Variants in PPARG observed in about 807,000 individuals in gnomAD.
PPARG encodes peroxisome proliferator activated receptor gamma.
In PPARG, 17 loss-of-function variants were observed where a neutral mutation model predicts 39.2. The observed-to-expected ratio is 0.43, with a 90% CI of 0.30 to 0.65. The LOEUF is 0.65. PPARG is among the 30% of genes least tolerant of loss of function. The pLI is 0.13. For missense variants in PPARG, 406 were observed against 585.9 expected, an observed-to-expected ratio of 0.69 and a Z score of 3.17; for synonymous variants, 223 against 215.7, an observed-to-expected ratio of 1.03 and a Z score of -0.30.
At chr3:12,380,815 A>G (rs1420617809) in intron 3 of PPARG, among the ~76,000 whole-genome samples, 1 of 152,180 alleles carries the variant, frequency 6.6e-6, no homozygotes, top group Non-Finnish European at 1.5e-5. Flanking sequence ...TTGACTGAAC[A>G]CTAATGGTAA....
At chr3:12,288,448 C>G (rs1007760141), upstream of PPARG, among the ~76,000 whole-genome samples, 1 of 151,866 alleles carries the variant, frequency 6.6e-6, no homozygotes, top group Non-Finnish European at 1.5e-5. Context: ...CGGGTGGGCG[C>G]GGAGCCGGGG....
At chr3:12,363,806 G>C (rs1176269923) in intron 2 of PPARG, among the ~76,000 whole-genome samples, 1 of 152,022 alleles carries the variant, frequency 6.6e-6, no homozygotes, top group Admixed American at 6.6e-5. Context: ...AAACCAAAAC[G>C]TGGAAGGGGA....
chr3:12,306,157 G>C (rs999905646), intron 1 of PPARG, among the ~76,000 whole-genome samples: 1 of 152,186 alleles, frequency 6.6e-6, no homozygotes, highest in Non-Finnish European at 1.5e-5. Context: ...GGATGAAACT[G>C]TTCCACCTTA....
chr3:12,339,424 G>A (rs774675600), intron 2 of PPARG, among the ~76,000 whole-genome samples: 3 of 152,128 alleles, frequency 2.0e-5, no homozygotes, highest in East Asian at 1.9e-4. Flanking sequence ...ACTAAAATTC[G>A]TTGAATTGCA....
intron 7 of PPARG, among the ~76,000 whole-genome samples, chr3:12,423,817 T>C (rs2051344901): frequency 6.6e-6 from 1 of 152,248 alleles, no homozygotes; most frequent in Non-Finnish European, 1.5e-5. Flanking sequence ...TTCTCTCTTT[T>C]CTTGTAATAT....
intron 6 of PPARG, among the ~76,000 whole-genome samples, chr3:12,415,800 C>T (rs972730231): frequency 6.6e-6 from 1 of 152,088 alleles, no homozygotes; most frequent in African/African-American, 2.4e-5. Flanking sequence ...CTGTAATCTG[C>T]TTTCCGAGTG....
At chr3:12,302,536 A>T (rs2046954656) in intron 1 of PPARG, among the ~76,000 whole-genome samples, 1 of 152,246 alleles carries the variant, frequency 6.6e-6, no homozygotes. Flanking sequence ...AAGAAAAAAA[A>T]AGTTCCTGGT....
chr3:12,366,690 G>T (rs1460400347), intron 2 of PPARG, among the ~76,000 whole-genome samples: 3 of 152,028 alleles, frequency 2.0e-5, no homozygotes, highest in Non-Finnish European at 4.4e-5. Flanking sequence ...GGGTGTGATG[G>T]ATTACATTAA....
chr3:12,389,555 A>G (rs1320072990), intron 4 of PPARG, among the ~76,000 whole-genome samples: 8 of 152,222 alleles, frequency 5.3e-5, no homozygotes. Context: ...AATGGAATTC[A>G]AAGTGTTAAG....
At chr3:12,287,870 C>A, upstream of PPARG, 1 of 137,844 alleles carries the variant, frequency 7.3e-6, no homozygotes, top group Non-Finnish European at 1.6e-5. Context: ...CCCGCCCCCG[C>A]GCCGGGCCCG....
At chr3:12,410,581 G>A (rs1267815885) in intron 6 of PPARG, among the ~76,000 whole-genome samples, 1 of 152,104 alleles carries the variant, frequency 6.6e-6, no homozygotes, top group Non-Finnish European at 1.5e-5. Flanking sequence ...TTGGACTTTG[G>A]GTTCCAAAGC....
chr3:12,353,674 A>G (rs1424712844), intron 2 of PPARG, among the ~76,000 whole-genome samples: 1 of 152,134 alleles, frequency 6.6e-6, no homozygotes, highest in Non-Finnish European at 1.5e-5. Flanking sequence ...GAGATTAAAA[A>G]TCTCGACTAC....
chr3:12,368,112 T>C (rs576847053), intron 2 of PPARG, among the ~76,000 whole-genome samples: 6 of 152,108 alleles, frequency 3.9e-5, no homozygotes, highest in Middle Eastern at 3.4e-3. Flanking sequence ...TGAAAATACA[T>C]TTGTTTATAT....
At chr3:12,423,546 G>A (rs2051333005) in intron 7 of PPARG, among the ~76,000 whole-genome samples, 1 of 152,232 alleles carries the variant, frequency 6.6e-6, no homozygotes, top group Non-Finnish European at 1.5e-5. Context: ...CTTTCCTGGA[G>A]GAAACTCCGG....
In PPARG at chr3:12,379,785, A is replaced by G. The variant is rs756002554; in HGVS notation, c.74A>G (p.Asp25Gly). ...TCCGTGGATCTCTCCGTAATGGAAG[A>G]CCACTCCCACTCCTTTGATATCAAG... ...ISSVDLSVME[D>G]HSHSFDIKPF... Residue 25 changes from aspartate (D) to glycine (G), a missense_variant, in exon 3 of 8, where the codon GAC becomes GGC. Asp to Gly is a moderately conservative substitution (Grantham distance 94). Transcript: ENST00000651735. 6.2e-7 allele frequency: 1 copy of G among 1,613,904 alleles called. No individual in the cohort carries two copies. Among genetic ancestry groups the G allele is most frequent in the African/African-American group, 1.3e-5 (1 of 74,908 alleles).
At chr3:12,396,342 G>C (rs962918641) in intron 5 of PPARG, among the ~76,000 whole-genome samples, 3 of 152,012 alleles carry the variant, frequency 2.0e-5, no homozygotes, top group African/African-American at 7.2e-5. Flanking sequence ...AGATGGTCTC[G>C]AACTCCTGAC....
chr3:12,406,074 A>G lies in PPARG; in HGVS notation c.722A>G (p.Asp241Gly), dbSNP rs1194161227. 2 of 1,614,062 alleles carry G rather than the reference A, an allele frequency of 1.2e-6. No individual in the cohort carries two copies. The change falls in exon 6 of 8, where the codon GAC (aspartate) becomes GGC (glycine). Residue 241 changes from aspartate (D) to glycine (G), a missense_variant. Asp to Gly is a moderately conservative substitution (Grantham distance 94). Transcript: ENST00000651735. ...GCGATCTTGACAGGAAAGACAACAG[A>G]CAAATCAGTTAGTTCTCTTCTGCTG... is the stretch of plus-strand genomic sequence containing the variant. ...ARAILTGKTT[D>G]KSPFVIYDMN... is the part of the protein sequence containing the mutation.
chr3:12,430,421 A>G (rs2051619730), intron 7 of PPARG, among the ~76,000 whole-genome samples: 3 of 152,040 alleles, frequency 2.0e-5, no homozygotes, highest in Admixed American at 2.0e-4. Context: ...ATACAAGATA[A>G]TAAGGAATAA....
chr3:12,317,613 ATTC>A (rs1488082765), intron 2 of PPARG, among the ~76,000 whole-genome samples: 13 of 152,120 alleles, frequency 8.5e-5, no homozygotes, highest in Non-Finnish European at 1.6e-4. Context: ...ATTATGTTTT[ATTC>A]TTATACCATT....
Sources: gnomAD v4.1 joint callset for allele counts (sites outside exome capture counted in the v4.1 genomes callset) on GRCh38, gnomAD v4.1.1 for gene constraint, MANE v1.5 for transcripts, NCBI Gene and HGNC (gene_info 2026-07-23, HGNC 2026-07-21) for gene names.